Variants in EPHA6 observed in about 807,000 individuals in gnomAD.
EPHA6 encodes EPH receptor A6.
In EPHA6, 50 loss-of-function variants were observed where a neutral mutation model predicts 112.0. That is an observed-to-expected ratio of 0.45 (90% CI 0.36 to 0.56). The LOEUF is 0.56. Ranked by LOEUF, EPHA6 falls within the 20% of genes least tolerant of loss-of-function variation. The probability of loss-of-function intolerance (pLI) is 0.00; values close to 1 mark genes in which losing one functional copy is unlikely to be tolerated. For synonymous variants in EPHA6, 529 were observed against 490.7 expected, an observed-to-expected ratio of 1.08 and a Z score of -1.03; for missense variants, 1,280 against 1,417.4, an observed-to-expected ratio of 0.90 and a Z score of 1.56.
chr3:96,978,408 C>T (rs957181185), intron 2 of EPHA6, among the ~76,000 whole-genome samples: 22 of 152,084 alleles, frequency 1.4e-4, no homozygotes, highest in African/African-American at 5.3e-4. Context: ...GCAGTATTTC[C>T]AAAAGGAAAA....
chr3:97,692,063 G>A (rs1024675322), intron 14 of EPHA6, among the ~76,000 whole-genome samples: 3 of 152,126 alleles, frequency 2.0e-5, no homozygotes, highest in African/African-American at 7.2e-5. Flanking sequence ...AGCTTTCATA[G>A]TGATCATGGC....
chr3:97,026,378 A>G (rs989830289), intron 3 of EPHA6, among the ~76,000 whole-genome samples: 3 of 152,108 alleles, frequency 2.0e-5, no homozygotes, highest in African/African-American at 7.2e-5. Context: ...CCGTTTTACC[A>G]GTTGATTCTT....
chr3:97,448,247 C>G (rs2090415692), intron 6 of EPHA6, among the ~76,000 whole-genome samples: 2 of 152,110 alleles, frequency 1.3e-5, no homozygotes, highest in African/African-American at 4.8e-5. Context: ...GCTCAAGATG[C>G]AGCTGCCATT....
intron 1 of EPHA6, among the ~76,000 whole-genome samples, chr3:96,844,800 A>G (rs2034973986): frequency 1.3e-5 from 2 of 152,014 alleles, no homozygotes; most frequent in Admixed American, 6.6e-5. Context: ...GTGTGTGATC[A>G]AGACAGATGT....
chr3:97,102,918 G>A (rs1385468565), intron 3 of EPHA6, among the ~76,000 whole-genome samples: 1 of 151,918 alleles, frequency 6.6e-6, no homozygotes, highest in Non-Finnish European at 1.5e-5. Context: ...TTGGCCACAT[G>A]CATGTCTTCC....
chr3:97,024,564 T>G (rs1410074903), intron 3 of EPHA6, among the ~76,000 whole-genome samples: 2 of 152,340 alleles, frequency 1.3e-5, no homozygotes, highest in East Asian at 3.9e-4. Flanking sequence ...GTTTACTTTA[T>G]TCTTTGAGAA....
At chr3:97,287,450 G>A (rs944572497) in intron 5 of EPHA6, among the ~76,000 whole-genome samples, 1 of 149,502 alleles carries the variant, frequency 6.7e-6, no homozygotes, top group Admixed American at 6.7e-5. Context: ...GGGCAGCAGA[G>A]CAAGACTCCG....
At chr3:97,292,191 C>T (rs1023075477) in intron 5 of EPHA6, among the ~76,000 whole-genome samples, 1 of 152,248 alleles carries the variant, frequency 6.6e-6, no homozygotes, top group African/African-American at 2.4e-5. Context: ...CACCCGAAAG[C>T]TCGGAGATGC....
intron 3 of EPHA6, among the ~76,000 whole-genome samples, chr3:97,104,035 G>A (rs1431586718): frequency 6.6e-6 from 1 of 152,056 alleles, no homozygotes; most frequent in East Asian, 1.9e-4. Context: ...ATCAGCTGAA[G>A]GAACTTTGGG....
intron 4 of EPHA6, among the ~76,000 whole-genome samples, chr3:97,240,351 G>C (rs1396586551): frequency 1.3e-5 from 2 of 151,696 alleles, no homozygotes; most frequent in Non-Finnish European, 2.9e-5. Context: ...TTTGTTTTCT[G>C]TTAATAAACC....
intron 3 of EPHA6, among the ~76,000 whole-genome samples, chr3:97,072,687 A>G (rs1338289747): frequency 6.6e-6 from 1 of 152,130 alleles, no homozygotes; most frequent in Non-Finnish European, 1.5e-5. Flanking sequence ...AGTTGGTATT[A>G]TGGCTTCAAA....
chr3:97,604,595 C>G (rs1275496401), intron 12 of EPHA6, among the ~76,000 whole-genome samples: 1 of 151,602 alleles, frequency 6.6e-6, no homozygotes, highest in East Asian at 1.9e-4. Context: ...TGGACATCAA[C>G]ATTTTAGTGA....
At chr3:97,200,028 G>T (rs1273492308) in intron 3 of EPHA6, among the ~76,000 whole-genome samples, 2 of 152,076 alleles carry the variant, frequency 1.3e-5, no homozygotes, top group African/African-American at 4.8e-5. Context: ...TTATAGAGCA[G>T]CATTTGCAAA....
At chr3:97,008,347 A>C (rs1404190722) in intron 3 of EPHA6, among the ~76,000 whole-genome samples, 1 of 152,054 alleles carries the variant, frequency 6.6e-6, no homozygotes, top group Non-Finnish European at 1.5e-5. Context: ...GTCTTATTTC[A>C]GTAAGGTGGT....
At chr3:97,248,431 T>C (rs530776296) in intron 5 of EPHA6, among the ~76,000 whole-genome samples, 1 of 152,122 alleles carries the variant, frequency 6.6e-6, no homozygotes, top group East Asian at 1.9e-4. Flanking sequence ...ATTATTCAGG[T>C]TTTAGACAGT....
At chr3:97,475,578 T>G (rs7624823) in intron 8 of EPHA6, 118 bp downstream of exon 8, 643,399 of 643,952 alleles carry the variant, frequency 1, 321,426 homozygotes, top group South Asian at 1. Flanking sequence ...AGGGATCCCA[T>G]AAGAATCCAC....
At chr3:96,816,436 A>G (rs2032789076) in intron 1 of EPHA6, among the ~76,000 whole-genome samples, 1 of 152,156 alleles carries the variant, frequency 6.6e-6, no homozygotes, top group African/African-American at 2.4e-5. Context: ...CTGTGGGTAT[A>G]AAATATTGAA....
At chr3:96,930,774 C>G (rs777140190) in intron 2 of EPHA6, among the ~76,000 whole-genome samples, 3 of 151,864 alleles carry the variant, frequency 2.0e-5, no homozygotes, top group African/African-American at 4.8e-5. Context: ...GGCAGATCAC[C>G]TAAGGTCAGG....
At chr3:97,489,513 G>C (rs560704102) in intron 10 of EPHA6, among the ~76,000 whole-genome samples, 5 of 152,154 alleles carry the variant, frequency 3.3e-5, no homozygotes, top group African/African-American at 9.6e-5. Flanking sequence ...GTGAAACCCT[G>C]TCTCTACTAA....
Sources: gnomAD v4.1 joint callset for allele counts (sites outside exome capture counted in the v4.1 genomes callset) on GRCh38, gnomAD v4.1.1 for gene constraint, MANE v1.5 for transcripts, NCBI Gene and HGNC (gene_info 2026-07-23, HGNC 2026-07-21) for gene names.